The following DCC variants were observed in gnomAD, a reference collection of about 807,000 sequenced individuals.
The protein encoded by DCC is netrin receptor DCC.
DCC carries 58 observed loss-of-function variants against 172.5 expected under a neutral mutation model. The ratio of observed to expected loss-of-function variants is 0.34; its 90% CI spans 0.27 to 0.42. The LOEUF is 0.42. Ranked by LOEUF, DCC falls within the 10% of genes least tolerant of loss-of-function variation. The pLI is 1.00. For missense variants in DCC, 1,740 were observed against 1,791.0 expected (o/e 0.97, Z 0.51); for synonymous variants, 709 against 644.5 (o/e 1.10, Z -1.52).
intron 5 of DCC, among the ~76,000 whole-genome samples, chr18:52,956,829 TTAAG>T (rs1335718675): frequency 6.6e-6 from 1 of 152,160 alleles, no homozygotes; most frequent in Non-Finnish European, 1.5e-5. Context: ...CATGTTTTAA[TTAAG>T]AGGAAATATT....
chr18:53,111,565 T>G (rs1006359312), intron 7 of DCC, among the ~76,000 whole-genome samples: 1 of 151,526 alleles, frequency 6.6e-6, no homozygotes, highest in Non-Finnish European at 1.5e-5. Flanking sequence ...ACAAGGATTT[T>G]TACAATTTTA....
intron 12 of DCC, among the ~76,000 whole-genome samples, chr18:53,298,552 A>G (rs886768299): frequency 4.2e-5 from 6 of 142,996 alleles, no homozygotes; most frequent in African/African-American, 1.7e-4. Context: ...AAAAAAAAAA[A>G]AAAAAGGCTT....
intron 12 of DCC, among the ~76,000 whole-genome samples, chr18:53,236,838 G>A (rs2056209367): frequency 6.6e-6 from 1 of 151,904 alleles, no homozygotes; most frequent in African/African-American, 2.4e-5. Flanking sequence ...TTTCCTCATT[G>A]AATTATTTAG....
intron 1 of DCC, among the ~76,000 whole-genome samples, chr18:52,356,870 C>A (rs572356788): frequency 6.6e-6 from 1 of 152,094 alleles, no homozygotes; most frequent in African/African-American, 2.4e-5. Flanking sequence ...GCAACCTCCA[C>A]CTCCTGGGTT....
chr18:53,196,742 C>T (rs570412414), intron 9 of DCC, among the ~76,000 whole-genome samples: 2 of 152,036 alleles, frequency 1.3e-5, no homozygotes, highest in African/African-American at 2.4e-5. Context: ...TACACACATA[C>T]GTAATGGCGC....
At chr18:52,479,580 A>C (rs1178449192) in intron 1 of DCC, among the ~76,000 whole-genome samples, 978 of 116,570 alleles carry the variant, frequency 8.4e-3, no homozygotes, top group African/African-American at 0.025. Context: ...ACCTCCCTCC[A>C]CCCCCCCCCC....
intron 1 of DCC, among the ~76,000 whole-genome samples, chr18:52,487,331 T>TG (rs2030276096): frequency 6.6e-6 from 1 of 152,138 alleles, no homozygotes; most frequent in Non-Finnish European, 1.5e-5. Flanking sequence ...GTTAGGAGGC[T>TG]GTTAAACTGA....
At chr18:53,182,863 C>T (rs374167815) in intron 9 of DCC, among the ~76,000 whole-genome samples, 4 of 152,080 alleles carry the variant, frequency 2.6e-5, no homozygotes, top group East Asian at 3.9e-4. Context: ...GCCCATCTTT[C>T]TGTCCTTAAG....
rs10526030 is a variant in DCC, at chr18:53,066,353, GTATATATATATATA to G, written c.1261+219_1261+232del. ...TAGAAAATTGTGTGTGTACATGTGT[GTATATATATATATA>G]TATATATATATATATATATATATAT... is the stretch of plus-strand genomic sequence containing the variant. On this transcript the variant is annotated intron_variant, in intron 7 of 28. Coordinates refer to ENST00000442544, the MANE Select transcript of DCC (RefSeq NM_005215.4). Among the ~76,000 whole-genome samples the G allele has an allele frequency of 6.5e-3, 618 of 94,612 alleles. 9 individuals are homozygous for G. Among genetic ancestry groups the G allele is most frequent in the Middle Eastern group, 0.014 (2 of 142 alleles). The allele number at this position is 94,612 out of a possible 152,430, so 62.1% of individuals were successfully genotyped here. A position where few individuals can be genotyped will look rare whatever the true frequency, so the allele number is the denominator to read the frequency against.
intron 7 of DCC, among the ~76,000 whole-genome samples, chr18:53,124,978 A>G (rs2043534759): frequency 6.6e-6 from 1 of 151,952 alleles, no homozygotes; most frequent in South Asian, 2.1e-4. Flanking sequence ...TCAAAAAAAA[A>G]AAATGATGCT....
intron 1 of DCC, among the ~76,000 whole-genome samples, chr18:52,368,004 C>G (rs1054500869): frequency 6.6e-6 from 1 of 152,200 alleles, no homozygotes; most frequent in African/African-American, 2.4e-5. Flanking sequence ...AATAAGCAAA[C>G]AGGCCACAGT....
chr18:52,850,577 T>G (rs1219998302), intron 2 of DCC, among the ~76,000 whole-genome samples: 1 of 151,844 alleles, frequency 6.6e-6, no homozygotes, highest in Non-Finnish European at 1.5e-5. Flanking sequence ...ATGAACATTG[T>G]GTAGCATCTT....
chr18:52,602,808 A>G (rs896691742), intron 1 of DCC, among the ~76,000 whole-genome samples: 4 of 152,206 alleles, frequency 2.6e-5, no homozygotes, highest in Admixed American at 2.0e-4. Flanking sequence ...GGAATACAGT[A>G]CCTTTTTGCC....
intron 9 of DCC, among the ~76,000 whole-genome samples, chr18:53,196,183 T>TA (rs2055440323): frequency 6.6e-6 from 1 of 152,192 alleles, no homozygotes; most frequent in Non-Finnish European, 1.5e-5. Context: ...GGTGAAACTT[T>TA]AAGTTTTTAT....
intron 5 of DCC, among the ~76,000 whole-genome samples, chr18:52,963,819 T>C (rs893465003): frequency 1.1e-4 from 15 of 140,270 alleles, no homozygotes; most frequent in African/African-American, 4.0e-4. Flanking sequence ...CTATTTCTGA[T>C]TATCTCTAGT....
intron 12 of DCC, among the ~76,000 whole-genome samples, chr18:53,258,959 T>A (rs1041202649): frequency 6.6e-6 from 1 of 152,212 alleles, no homozygotes. Flanking sequence ...TTTACCATTA[T>A]GTAATGGCCT....
At chr18:53,003,014 A>G (rs937498326) in intron 5 of DCC, among the ~76,000 whole-genome samples, 10 of 152,100 alleles carry the variant, frequency 6.6e-5, no homozygotes, top group African/African-American at 2.2e-4. Flanking sequence ...CTTAGGACAT[A>G]TATTTTGTTT....
At chr18:52,715,879 G>T (rs923771154) in intron 1 of DCC, among the ~76,000 whole-genome samples, 3 of 147,354 alleles carry the variant, frequency 2.0e-5, no homozygotes, top group Non-Finnish European at 3.1e-5. Context: ...AGGAGTTCTG[G>T]CTTAGAATTC....
At chr18:52,531,325 G>A (rs962862767) in intron 1 of DCC, among the ~76,000 whole-genome samples, 3 of 152,122 alleles carry the variant, frequency 2.0e-5, no homozygotes, top group Non-Finnish European at 4.4e-5. Flanking sequence ...GTAAGAAAAA[G>A]AATCCTCTAG....
Sources: gnomAD v4.1 joint callset for allele counts (sites outside exome capture counted in the v4.1 genomes callset) on GRCh38, gnomAD v4.1.1 for gene constraint, MANE v1.5 for transcripts, NCBI Gene and HGNC (gene_info 2026-07-23, HGNC 2026-07-21) for gene names.